The following TMEM135 variants were observed in gnomAD, a reference collection of about 807,000 sequenced individuals.
The protein encoded by TMEM135 is transmembrane protein 135.
Under a neutral mutation model 60.3 loss-of-function variants are expected in TMEM135, and 30 were observed. The observed-to-expected ratio is 0.50, with a 90% confidence interval of 0.37 to 0.68. The LOEUF (loss-of-function observed/expected upper bound fraction) is 0.68, where lower values mean the gene tolerates loss of function less well. Among genes scored for constraint, TMEM135 ranks in the 30% least tolerant of loss-of-function variants. The pLI is 0.00. For synonymous variants in TMEM135, 190 were observed against 186.7 expected (o/e 1.02, Z -0.14); for missense variants, 468 against 548.8 (o/e 0.85, Z 1.47).
chr11:87,202,951 T>A (rs1940150201), intron 5 of TMEM135, among the ~76,000 whole-genome samples: 1 of 138,936 alleles, frequency 7.2e-6, no homozygotes, highest in Admixed American at 8.3e-5. Flanking sequence ...GAGAATGGCG[T>A]GAACCCGGGA....
intron 6 of TMEM135, among the ~76,000 whole-genome samples, chr11:87,262,949 GT>G (rs1449740513): frequency 6.6e-6 from 1 of 151,840 alleles, no homozygotes; most frequent in Non-Finnish European, 1.5e-5. Flanking sequence ...GGAGTTCTGA[GT>G]TGTTTTTGTT....
At chr11:87,165,336 T>A (rs1306626919) in intron 5 of TMEM135, among the ~76,000 whole-genome samples, 1 of 123,592 alleles carries the variant, frequency 8.1e-6, no homozygotes, top group Non-Finnish European at 1.7e-5. Flanking sequence ...ATATGCTGGA[T>A]TACATTTATT....
At position 87,328,818 on chromosome 11, in the gene TMEM135, G is replaced by C. The variant is rs993016734; in HGVS notation, c.*7485G>C. The C allele has an allele frequency of 1.1e-5, 5 of 453,740 alleles. No individual in the cohort carries two copies. The highest frequency in any genetic ancestry group is 2.2e-5 in the Non-Finnish European group (5 of 226,764). The allele number at this position is 453,740 out of a possible 1,614,324, so 28.1% of individuals were successfully genotyped here. ...GTGTTAACAATAAAAATATATATAC[G>C]AGTGTCTTTTATGGTAGATCTCCTT... On this transcript the variant is annotated 3_prime_UTR_variant, in exon 15 of 15. Coordinates refer to ENST00000305494, the MANE Select transcript of TMEM135 (RefSeq NM_022918.4).
chr11:87,262,359 G>T (rs77610870), intron 6 of TMEM135, among the ~76,000 whole-genome samples: 1 of 152,044 alleles, frequency 6.6e-6, no homozygotes, highest in South Asian at 2.1e-4. Flanking sequence ...ATGTATTTTC[G>T]CTCCAAGAGT....
chr11:87,183,629 T>C (rs1308558003), intron 5 of TMEM135, among the ~76,000 whole-genome samples: 1 of 152,070 alleles, frequency 6.6e-6, no homozygotes, highest in Non-Finnish European at 1.5e-5. Flanking sequence ...ACACTAAAAC[T>C]TGTGAATGGG....
chr11:87,306,263 A>G (rs116957657), intron 9 of TMEM135, among the ~76,000 whole-genome samples: 5,304 of 152,272 alleles, frequency 0.035, 91 homozygotes, highest in Admixed American at 0.046. Context: ...ATGATATAGA[A>G]GATAAGATGG....
intron 1 of TMEM135, among the ~76,000 whole-genome samples, chr11:87,053,307 A>G (rs981978104): frequency 8.7e-5 from 12 of 137,944 alleles, no homozygotes; most frequent in African/African-American, 2.5e-4. Flanking sequence ...ATATATATAT[A>G]TGGATACTTT....
In TMEM135 at chr11:87,322,839, A is replaced by G. The variant is rs1016882407; in HGVS notation, c.*1506A>G. On this transcript the variant is annotated 3_prime_UTR_variant, in exon 15 of 15. Transcript: ENST00000305494. ...ACAGAGCCACTTTATCATTTGGTCA[A>G]AATTTGGCATTATGATTAGCTTTGT... 5 of 454,348 alleles carry G rather than the reference A, an allele frequency of 1.1e-5. No individual in the cohort carries two copies. The highest frequency in any genetic ancestry group is 4.7e-5 in the Admixed American group (2 of 42,548). 28.1% of individuals were successfully genotyped at this position (454,348 alleles called of 1,614,324 possible).
chr11:87,215,321 T>TAAAAAAAAAAAAAAA (rs1940472675), intron 5 of TMEM135, among the ~76,000 whole-genome samples: 1 of 152,218 alleles, frequency 6.6e-6, no homozygotes, highest in South Asian at 2.1e-4. Context: ...TTACTGGCTT[T>TAAAAAAAAAAAAAAA]AAAACAGTGA....
At chr11:87,144,309 C>T (rs1034541818) in intron 4 of TMEM135, among the ~76,000 whole-genome samples, 1 of 152,098 alleles carries the variant, frequency 6.6e-6, no homozygotes, top group Admixed American at 6.5e-5. Context: ...CAGTGGTTAG[C>T]ATGCTTTTTT....
chr11:87,179,379 A>G (rs576830507), intron 5 of TMEM135, among the ~76,000 whole-genome samples: 3 of 151,750 alleles, frequency 2.0e-5, no homozygotes, highest in Non-Finnish European at 4.4e-5. Flanking sequence ...CTAAATTTTG[A>G]TGATGTTCCA....
At chr11:87,270,256 G>A (rs1197675696) in intron 6 of TMEM135, among the ~76,000 whole-genome samples, 1 of 151,330 alleles carries the variant, frequency 6.6e-6, no homozygotes, top group Non-Finnish European at 1.5e-5. Flanking sequence ...CCCTTTGTCA[G>A]ATGAGTAGGT....
At chr11:87,299,252 T>C (rs1475902593) in intron 7 of TMEM135, among the ~76,000 whole-genome samples, 1 of 152,224 alleles carries the variant, frequency 6.6e-6, no homozygotes, top group African/African-American at 2.4e-5. Context: ...CAGTTCCTTA[T>C]GGCTAGGGAG....
chr11:87,189,577 A>G (rs550890127), intron 5 of TMEM135, among the ~76,000 whole-genome samples: 2 of 152,126 alleles, frequency 1.3e-5, no homozygotes, highest in Non-Finnish European at 2.9e-5. Flanking sequence ...TGACAAAAAT[A>G]TTTATAGAAC....
intron 5 of TMEM135, among the ~76,000 whole-genome samples, chr11:87,176,900 A>G (rs530785024): frequency 6.6e-6 from 1 of 152,310 alleles, no homozygotes; most frequent in East Asian, 1.9e-4. Flanking sequence ...GGGTTAAAAA[A>G]CAGTGCATCC....
intron 6 of TMEM135, among the ~76,000 whole-genome samples, chr11:87,284,051 G>T (rs1045562181): frequency 6.6e-6 from 1 of 152,082 alleles, no homozygotes; most frequent in Non-Finnish European, 1.5e-5. Context: ...ATTTTGGTTC[G>T]TAGCAATGCC....
At chr11:87,246,585 G>C (rs1004633725) in intron 6 of TMEM135, among the ~76,000 whole-genome samples, 1 of 151,368 alleles carries the variant, frequency 6.6e-6, no homozygotes, top group Non-Finnish European at 1.5e-5. Context: ...TTCCCTTCTT[G>C]CTTCATTTCA....
intron 6 of TMEM135, among the ~76,000 whole-genome samples, chr11:87,245,309 GA>G (rs1197080810): frequency 1.0e-4 from 15 of 144,638 alleles, no homozygotes; most frequent in Non-Finnish European, 1.8e-4. Context: ...GTGTGGTGCT[GA>G]AAAAAATATA....
rs184999551 is a variant in TMEM135 at position 87,215,004 on chromosome 11, T to A, written c.463-21634T>A. Among the ~76,000 whole-genome samples the A allele has an allele frequency of 1.3e-3, 193 of 152,270 alleles. 1 individual carries two copies. Among genetic ancestry groups the A allele is most frequent in the Non-Finnish European group, 2.4e-3 (162 of 67,994 alleles). ...GTTTAAGATCAATAGAATTTGTTAT[T>A]TGGTAATGCAGAAATCCAAGTTTTC... is the stretch of plus-strand genomic sequence containing the variant. On this transcript the variant is annotated intron_variant, in intron 5 of 14. Transcript: ENST00000305494.
Sources: gnomAD v4.1 joint callset for allele counts (sites outside exome capture counted in the v4.1 genomes callset) on GRCh38, gnomAD v4.1.1 for gene constraint, MANE v1.5 for transcripts, NCBI Gene and HGNC (gene_info 2026-07-23, HGNC 2026-07-21) for gene names.